NTM: variants seen among roughly 807,000 people sequenced by gnomAD.
The protein encoded by NTM is neurotrimin.
A neutral mutation model predicts 42.1 loss-of-function variants in NTM; 13 were observed. The ratio of observed to expected loss-of-function variants is 0.31; its 90% CI spans 0.20 to 0.49. NTM has a LOEUF of 0.49. Ranked by LOEUF, NTM falls within the 20% of genes least tolerant of loss-of-function variation. The pLI is 0.99. For synonymous variants in NTM, 187 were observed against 179.2 expected (o/e 1.04, Z -0.35); for missense variants, 373 against 452.8 (o/e 0.82, Z 1.60).
rs2056018690 is a variant in NTM at position 131,914,880 on chromosome 11, A to G, written c.167+3232A>G. 5.9e-5 allele frequency among the ~76,000 whole-genome samples: 9 copies of G among 152,220 alleles called. No homozygotes were observed. In the South Asian group the frequency reaches 1.9e-3, roughly 32 times the overall value. On this transcript the variant is annotated intron_variant, in intron 2 of 8. Coordinates refer to ENST00000683400, the MANE Select transcript of NTM (RefSeq NM_001352005.2). ...AATATCTCACCTATCATTCAGCCTC[A>G]TGACATTAACACTTTAATAACAGCC...
intron 2 of NTM, among the ~76,000 whole-genome samples, chr11:131,953,514 T>G (rs1413318543): frequency 6.6e-6 from 1 of 152,166 alleles, no homozygotes; most frequent in Non-Finnish European, 1.5e-5. Context: ...TAAAATTATA[T>G]TAAAATATTT....
intron 1 of NTM, among the ~76,000 whole-genome samples, chr11:131,632,916 G>A (rs910264077): frequency 1.2e-4 from 18 of 147,030 alleles, no homozygotes; most frequent in South Asian, 6.3e-4. Flanking sequence ...CTCGTGATCC[G>A]CCCATCTCAG....
Position 131,838,670 on chromosome 11 carries a change from T to C in NTM, c.83-72894T>C, listed in dbSNP as rs188207354. ...GGTTGTGTGTGCGTACAATGTCATA[T>C]GCGCACTCAAACTGATCTGATAGAA... is the stretch of plus-strand genomic sequence containing the variant. On this transcript the variant is annotated intron_variant, in intron 1 of 8. Coordinates refer to ENST00000683400, the MANE Select transcript of NTM (RefSeq NM_001352005.2). Among the ~76,000 whole-genome samples the C allele has an allele frequency of 1.9e-4, 29 of 152,284 alleles. 1 individual carries two copies. The highest frequency in any genetic ancestry group is 1.9e-3 in the Admixed American group (29 of 15,306).
At position 132,307,689 on chromosome 11, in the gene NTM, C is replaced by T. The variant is rs748845604; in HGVS notation, c.527C>T (p.Ala176Val). 20 of 1,613,992 alleles carry T rather than the reference C, an allele frequency of 1.2e-5. No homozygotes were observed. In the East Asian group the frequency reaches 1.3e-4, roughly 11 times the overall value. Residue 176 changes from alanine to valine, a missense_variant and splice_region_variant, in exon 5 of 9, where the codon GCG becomes GTG. By Grantham distance (64) the Ala-to-Val change is moderately conservative (BLOSUM62 0). Coordinates refer to ENST00000683400, the MANE Select transcript of NTM (RefSeq NM_001352005.2). ...TVTWRHISPK[A>V]VGFVSEDEYL... ...CCACACGTTACCGGTTTTCCCGCAGCGGTTGGCTTTGTGAGTGAAGACGAA... is the reference window on the plus strand; with the variant it reads ...CCACACGTTACCGGTTTTCCCGCAGTGGTTGGCTTTGTGAGTGAAGACGAA...
chr11:131,679,291 A>C (rs1050834237), intron 1 of NTM, among the ~76,000 whole-genome samples: 2 of 152,172 alleles, frequency 1.3e-5, no homozygotes, highest in African/African-American at 4.8e-5. Flanking sequence ...CGTTCCATGC[A>C]TGAAAAGAAG....
At chr11:131,500,558 T>C (rs447066) in intron 1 of NTM, among the ~76,000 whole-genome samples, 38,696 of 84,568 alleles carry the variant, frequency 0.46, 5,934 homozygotes, top group South Asian at 0.53. Context: ...TATATATATA[T>C]ATATATATAT....
At chr11:131,908,609 G>C (rs1275112978) in intron 1 of NTM, among the ~76,000 whole-genome samples, 1 of 152,200 alleles carries the variant, frequency 6.6e-6, no homozygotes, top group Non-Finnish European at 1.5e-5. Flanking sequence ...GGGTTGAGAG[G>C]GAGGAGCATA....
chr11:131,912,393 G>T (rs1055118074), intron 2 of NTM, among the ~76,000 whole-genome samples: 2 of 152,108 alleles, frequency 1.3e-5, no homozygotes, highest in Non-Finnish European at 2.9e-5. Context: ...GGCTTCTGGG[G>T]TTAAGGCTTA....
Position 132,146,189 on chromosome 11 carries a change from G to T in NTM, c.168-93G>T. On this transcript the variant is annotated intron_variant, in intron 2 of 8. Coordinates refer to ENST00000683400, the MANE Select transcript of NTM (RefSeq NM_001352005.2). This position sits in a 1 kb window ranked among gnomAD's most constrained non-coding sequence, Gnocchi z 4.5. ...TGTATGTGTTGGGGGAAGGGAGAAA[G>T]ACAAGATATTCTAGCCTTGCCATGA... is the stretch of plus-strand genomic sequence containing the variant. The T allele has an allele frequency of 6.6e-7, 1 of 1,523,042 alleles. No individual in the cohort carries two copies. The highest frequency in any genetic ancestry group is 8.8e-7 in the Non-Finnish European group (1 of 1,131,332). The allele number at this position is 1,523,042 out of a possible 1,614,324, so 94.3% of individuals were successfully genotyped here.
At chr11:131,432,731 C>T (rs1207564509) in intron 1 of NTM, among the ~76,000 whole-genome samples, 1 of 151,834 alleles carries the variant, frequency 6.6e-6, no homozygotes, top group Non-Finnish European at 1.5e-5. Context: ...TTTCAGCTCT[C>T]ACCTGTTTAT....
At chr11:131,855,871 T>C (rs2046044550) in intron 1 of NTM, among the ~76,000 whole-genome samples, 1 of 152,282 alleles carries the variant, frequency 6.6e-6, no homozygotes, top group Admixed American at 6.5e-5. Flanking sequence ...GGATCAATCC[T>C]CCATCCTCAA....
chr11:131,573,056 G>T (rs1184520300), intron 1 of NTM, among the ~76,000 whole-genome samples: 1 of 152,188 alleles, frequency 6.6e-6, no homozygotes, highest in Admixed American at 6.5e-5. Context: ...CACTGACTCT[G>T]CACTCCCTCC....
At chr11:131,774,146 C>T in intron 1 of NTM, 2 of 982,768 alleles carry the variant, frequency 2.0e-6, no homozygotes, top group South Asian at 9.4e-5. Flanking sequence ...TCATAAATGT[C>T]AGTGGGAAAC....
At chr11:131,767,852 G>A (rs1164644029) in intron 1 of NTM, among the ~76,000 whole-genome samples, 3 of 152,110 alleles carry the variant, frequency 2.0e-5, no homozygotes, top group Non-Finnish European at 2.9e-5. Flanking sequence ...AGACATCCAA[G>A]CGAGGAGACA....
At position 131,370,637 on chromosome 11, in the gene NTM, C is replaced by T. The variant is rs908448027; in HGVS notation, c.-170C>T. The T allele has an allele frequency of 8.2e-6, 5 of 611,346 alleles. No individual in the cohort carries two copies. The highest frequency in any genetic ancestry group is 4.1e-4 in the Middle Eastern group (1 of 2,446). The allele number at this position is 611,346 out of a possible 1,614,324, so 37.9% of individuals were successfully genotyped here. On this transcript the variant is annotated 5_prime_UTR_variant, in exon 1 of 9. It adds an upstream start codon to the 5' untranslated region. Transcript: ENST00000683400. Reference sequence around the variant, plus strand: ...GCCAGAGTATGAGTGGAGATAATTACGGAGAAGTCATACTCTCTCACACCC... The same window carrying T: ...GCCAGAGTATGAGTGGAGATAATTATGGAGAAGTCATACTCTCTCACACCC...
intron 1 of NTM, among the ~76,000 whole-genome samples, chr11:131,761,573 G>A (rs1472320340): frequency 1.3e-5 from 2 of 152,108 alleles, no homozygotes; most frequent in East Asian, 1.9e-4. Context: ...GGCGGCTGAG[G>A]TGGGCAGATC....
At chr11:131,939,036 G>T (rs2059525346) in intron 2 of NTM, among the ~76,000 whole-genome samples, 1 of 152,184 alleles carries the variant, frequency 6.6e-6, no homozygotes, top group Non-Finnish European at 1.5e-5. Flanking sequence ...GGAAAGAGAT[G>T]AGACTTGGGG....
chr11:132,065,748 A>G (rs2056379622), intron 2 of NTM, among the ~76,000 whole-genome samples: 1 of 152,152 alleles, frequency 6.6e-6, no homozygotes, highest in Admixed American at 6.5e-5. Flanking sequence ...GTACTTGGTT[A>G]AGTTTAAAGA....
rs146343819 is a variant in NTM at position 132,182,844 on chromosome 11, A to AT, written c.401-29177dup. 9.0e-3 allele frequency among the ~76,000 whole-genome samples: 1,369 copies of AT among 152,292 alleles called. 13 individuals carry two copies. Among genetic ancestry groups the AT allele is most frequent in the African/African-American group, 0.031 (1,287 of 41,558 alleles). On this transcript the variant is annotated intron_variant, in intron 3 of 8. Coordinates refer to ENST00000683400, the MANE Select transcript of NTM (RefSeq NM_001352005.2). ...ACCATCAAATTCTACCACTGACCTT[A>AT]TAGTACAGGAACACAGACCACCTCA...
Sources: gnomAD v4.1 joint callset for allele counts (sites outside exome capture counted in the v4.1 genomes callset) on GRCh38, gnomAD v4.1.1 for gene constraint, Gnocchi (gnomAD v3.1) non-coding constraint, MANE v1.5 for transcripts, NCBI Gene and HGNC (gene_info 2026-07-23, HGNC 2026-07-21) for gene names.